Variants in AGGF1 observed in about 807,000 individuals in gnomAD.
AGGF1 encodes the protein angiogenic factor with G patch and FHA domains 1.
AGGF1 carries 56 observed loss-of-function variants against 86.5 expected under a neutral mutation model. That is an observed-to-expected ratio of 0.65 (90% CI 0.52 to 0.81). The LOEUF is 0.81. Among genes scored for constraint, AGGF1 ranks in the 30% least tolerant of loss-of-function variants. The pLI is 0.00. For synonymous variants in AGGF1, 313 were observed against 297.1 expected (o/e 1.05, Z -0.55); for missense variants, 816 against 850.9 (o/e 0.96, Z 0.51).
At chr5:77,043,642 T>A (rs1454789232) in intron 5 of AGGF1, among the ~76,000 whole-genome samples, 1 of 67,396 alleles carries the variant, frequency 1.5e-5, no homozygotes, top group African/African-American at 6.6e-5. Flanking sequence ...ACCCCCCACC[T>A]CCCTCCCGGA....
intron 8 of AGGF1, among the ~76,000 whole-genome samples, chr5:77,050,987 A>G (rs1421127091): frequency 6.6e-6 from 1 of 151,962 alleles, no homozygotes; most frequent in Non-Finnish European, 1.5e-5. Context: ...ATTAAATATC[A>G]CTCCTTTTGG....
Position 77,030,792 on chromosome 5 carries a change from C to T in AGGF1, c.26C>T (p.Pro9Leu). 11 of 1,591,452 alleles carry T rather than the reference C, an allele frequency of 6.9e-6. No individual in the cohort carries two copies. The highest frequency in any genetic ancestry group is 8.5e-6 in the Non-Finnish European group (10 of 1,173,152). Residue 9 changes from proline (P) to leucine (L), a missense_variant, in exon 1 of 14, where the codon CCG becomes CTG. Physicochemically the swap from Pro to Leu is moderately conservative, Grantham distance 98. This residue lies in a region of AGGF1 where 240 missense variants were observed against 234.4 expected (regional missense o/e 1.02). Transcript: ENST00000312916. Reference sequence around the variant, plus strand: ...ATGGCCTCGGAGGCGCCGTCCCCGCCGCGGTCGCCGCCGCCGCCCACCTCC... The same window carrying T: ...ATGGCCTCGGAGGCGCCGTCCCCGCTGCGGTCGCCGCCGCCGCCCACCTCC... MASEAPSP[P>L]RSPPPPTSPE...
intron 5 of AGGF1, among the ~76,000 whole-genome samples, chr5:77,040,672 C>T (rs918303899): frequency 5.3e-5 from 8 of 152,280 alleles, no homozygotes; most frequent in Admixed American, 3.9e-4. Flanking sequence ...TATTTCTACT[C>T]TCTAAACAGG....
chr5:77,036,868 G>T, intron 4 of AGGF1, 148 bp downstream of exon 4: 1 of 888,326 alleles, frequency 1.1e-6, no homozygotes, highest in Non-Finnish European at 1.8e-6. Flanking sequence ...ATCCCAAGTA[G>T]CTGGGATTAC....
At chr5:77,053,795 G>C (rs1747416641) in intron 9 of AGGF1, among the ~76,000 whole-genome samples, 170 bp from the exon 10 acceptor site, 1 of 151,904 alleles carries the variant, frequency 6.6e-6, no homozygotes, top group African/African-American at 2.4e-5. Context: ...TTTTTTTATG[G>C]GTCATTAAGT....
At chr5:77,032,334 G>T (rs1746880149) in intron 1 of AGGF1, among the ~76,000 whole-genome samples, 1 of 150,830 alleles carries the variant, frequency 6.6e-6, no homozygotes. Flanking sequence ...TTGGGAGGCC[G>T]AGGCGGGCGA....
chr5:77,039,612 C>T lies in AGGF1; in HGVS notation c.763C>T (p.Arg255Ter), dbSNP rs368093330. ...VESGRYQFHS[R>*]VDLQPYPTSS... ...AAGTGGTCGTTATCAGTTTCATTCT[C>T]GAGTAGATTTGCAACCTTATCCGAC... The change falls in exon 5 of 14, where the codon CGA becomes TGA. Residue 255 changes from arginine to a stop codon, truncating the protein, a stop_gained. Transcript: ENST00000312916. LOFTEE classifies it high-confidence loss of function. The T allele has an allele frequency of 6.8e-6, 11 of 1,612,908 alleles. No individual in the cohort carries two copies. Among genetic ancestry groups the T allele is most frequent in the Non-Finnish European group, 9.3e-6 (11 of 1,179,416 alleles).
At chr5:77,052,838 C>A in intron 9 of AGGF1, 31 bp downstream of exon 9, 2 of 1,508,642 alleles carry the variant, frequency 1.3e-6, no homozygotes, top group East Asian at 2.3e-5. Flanking sequence ...TTGTTACCTG[C>A]ACATTATTTT....
Position 77,039,641 on chromosome 5 carries a change from T to G in AGGF1, c.792T>G (p.Ser264=), listed in dbSNP as rs1747031443. Reference sequence around the variant, plus strand: ...TAGATTTGCAACCTTATCCGACTTCTAGCACAAAACAAAGTAAAGATAAAA... The same window carrying G: ...TAGATTTGCAACCTTATCCGACTTCGAGCACAAAACAAAGTAAAGATAAAA... ...SRVDLQPYPT[S]STKQSKDKKL... The change falls in exon 5 of 14, where the codon TCT becomes TCG. Residue 264 remains serine, a synonymous_variant. Transcript: ENST00000312916. 1.2e-6 allele frequency: 2 copies of G among 1,613,014 alleles called. No homozygotes were observed. The highest frequency in any genetic ancestry group is 1.7e-6 in the Non-Finnish European group (2 of 1,179,578).
intron 9 of AGGF1, among the ~76,000 whole-genome samples, chr5:77,053,565 A>G (rs934406576): frequency 2.0e-5 from 3 of 152,164 alleles, no homozygotes; most frequent in African/African-American, 7.2e-5. Context: ...CTTAGTCTGT[A>G]AGAGTAAAAA....
chr5:77,049,928 C>T (rs1747340309), intron 8 of AGGF1, among the ~76,000 whole-genome samples: 1 of 151,856 alleles, frequency 6.6e-6, no homozygotes, highest in Non-Finnish European at 1.5e-5. Flanking sequence ...TATCTTTTTT[C>T]CTGTTTTGCT....
At chr5:77,053,558 A>G (rs539278240) in intron 9 of AGGF1, among the ~76,000 whole-genome samples, 4 of 152,338 alleles carry the variant, frequency 2.6e-5, no homozygotes, top group African/African-American at 9.6e-5. Flanking sequence ...CCTTATTCTT[A>G]GTCTGTAAGA....
chr5:77,042,558 C>T (rs1452266657), intron 5 of AGGF1, among the ~76,000 whole-genome samples: 11 of 69,774 alleles, frequency 1.6e-4, no homozygotes, highest in African/African-American at 3.7e-4. Context: ...ACCTCCCGGA[C>T]GGGGCGGCTG....
intron 5 of AGGF1, among the ~76,000 whole-genome samples, chr5:77,043,650 G>A (rs1274337789): frequency 7.8e-5 from 9 of 115,238 alleles, no homozygotes; most frequent in Admixed American, 4.2e-4. Context: ...CCTCCCTCCC[G>A]GATGGGGCGG....
At chr5:77,049,826 A>G (rs1747337676) in intron 8 of AGGF1, among the ~76,000 whole-genome samples, 1 of 152,138 alleles carries the variant, frequency 6.6e-6, no homozygotes, top group Non-Finnish European at 1.5e-5. Context: ...TTGGGATTAC[A>G]GGCGTGAGCC....
chr5:77,035,453 G>A (rs1746946861), intron 2 of AGGF1, 88 bp from the exon 3 acceptor site: 6 of 957,856 alleles, frequency 6.3e-6, no homozygotes, highest in Non-Finnish European at 9.6e-6. Context: ...TGTGCTTTTT[G>A]TGTTTAAATG....
In AGGF1 at chr5:77,039,542, CTA is replaced by C. The variant is rs1747027266; in HGVS notation, c.695_696del (p.Tyr232LeufsTer2). ...GFYYDSENQL[Y>X]YDPSTGIYYY... ...CTTGACTTTCAAAGGAAAATCAACT[CTA>C]TTATGATCCTTCCACTGGAATTTAT... On this transcript the variant is annotated frameshift_variant, in exon 5 of 14. Transcript: ENST00000312916. LOFTEE classifies it high-confidence loss of function. 1 of 1,601,986 alleles carries C rather than the reference CTA, an allele frequency of 6.2e-7. No homozygotes were observed. The highest frequency in any genetic ancestry group is 1.1e-5 in the South Asian group (1 of 89,040).
chr5:77,050,306 CTTTTTTT>C (rs10595061), intron 8 of AGGF1, among the ~76,000 whole-genome samples: 16 of 76,554 alleles, frequency 2.1e-4, no homozygotes, highest in African/African-American at 4.0e-4. Context: ...TTCTTTGTTT[CTTTTTTT>C]TTTTTTTTTT....
chr5:77,063,335 G>A lies in AGGF1; in HGVS notation c.*83G>A. On this transcript the variant is annotated 3_prime_UTR_variant, in exon 14 of 14. Transcript: ENST00000312916. ...TTTTTTCTCCCCAAAAGAATCAGCA[G>A]CACAGGGGAACTATGTCACAGTTTA... 7.5e-7 allele frequency: 1 copy of A among 1,331,272 alleles called. No individual in the cohort carries two copies. The highest frequency in any genetic ancestry group is 1.1e-6 in the Non-Finnish European group (1 of 952,072). The allele number at this position is 1,331,272 out of a possible 1,614,324, so 82.5% of individuals were successfully genotyped here.
Sources: gnomAD v4.1 joint callset for allele counts (sites outside exome capture counted in the v4.1 genomes callset) on GRCh38, gnomAD v4.1.1 for gene constraint, gnomAD v4.1.1 regional missense constraint, MANE v1.5 for transcripts, NCBI Gene and HGNC (gene_info 2026-07-23, HGNC 2026-07-21) for gene names.